UNC5C: variants seen among roughly 807,000 people sequenced by gnomAD.
The protein encoded by UNC5C is unc-5 netrin receptor C, also known as netrin receptor UNC5C.
A neutral mutation model predicts 99.8 loss-of-function variants in UNC5C; 47 were observed. That is an observed-to-expected ratio of 0.47 (90% CI 0.37 to 0.60). The LOEUF (loss-of-function observed/expected upper bound fraction) is 0.60, where lower values mean the gene tolerates loss of function less well. UNC5C is among the 20% of genes least tolerant of loss of function. The pLI is 0.00. For missense variants in UNC5C, 1,062 were observed against 1,165.9 expected, an observed-to-expected ratio of 0.91 and a Z score of 1.30; for synonymous variants, 487 against 452.2, an observed-to-expected ratio of 1.08 and a Z score of -0.98.
chr4:95,433,945 C>T (rs1421904661), intron 1 of UNC5C, among the ~76,000 whole-genome samples: 2 of 152,060 alleles, frequency 1.3e-5, no homozygotes, highest in African/African-American at 4.8e-5. Flanking sequence ...CCTTTTGTCC[C>T]TCCTCATCTT....
In UNC5C at chr4:95,412,500, G is replaced by A. The variant is rs573334130; in HGVS notation, c.125-76869C>T. On this transcript the variant is annotated intron_variant, in intron 1 of 15. Coordinates refer to ENST00000453304, the MANE Select transcript of UNC5C (RefSeq NM_003728.4). ...CTTGAGGTTGTTTTTCAAGTATTGA[G>A]AGCTGTGCCTGACACAGAATCATGG... 2.8e-4 allele frequency among the ~76,000 whole-genome samples: 43 copies of A among 152,198 alleles called. 1 individual carries two copies. The South Asian group carries it at 8.7e-3, about 31-fold the overall frequency.
chr4:95,324,151 C>T (rs928001701), intron 2 of UNC5C, among the ~76,000 whole-genome samples: 2 of 152,144 alleles, frequency 1.3e-5, no homozygotes, highest in East Asian at 1.9e-4. Flanking sequence ...GTACTGGAAC[C>T]GGGCCACATG....
chr4:95,354,479 A>ATATATATATATATATTT, intron 1 of UNC5C, among the ~76,000 whole-genome samples: 11 of 110,336 alleles, frequency 1.0e-4, no homozygotes, highest in African/African-American at 2.8e-4. Context: ...ATATATATAT[A>ATATATATATATATATTT]TTTTTTTTTT....
chr4:95,231,574 T>C (rs1263828183), intron 7 of UNC5C, among the ~76,000 whole-genome samples: 1 of 152,100 alleles, frequency 6.6e-6, no homozygotes, highest in Non-Finnish European at 1.5e-5. Context: ...CTTGGTCTTC[T>C]TTTTTGCCAG....
intron 3 of UNC5C, among the ~76,000 whole-genome samples, chr4:95,298,301 A>AC (rs1361563061): frequency 2.0e-5 from 3 of 151,934 alleles, no homozygotes; most frequent in Non-Finnish European, 1.5e-5. Flanking sequence ...ACAGAATGAG[A>AC]CCCCCATCTC....
At chr4:95,188,825 C>A (rs1357120275) in intron 12 of UNC5C, among the ~76,000 whole-genome samples, 1 of 152,130 alleles carries the variant, frequency 6.6e-6, no homozygotes, top group Non-Finnish European at 1.5e-5. Context: ...AGGTCTGGAG[C>A]ACACAGACAA....
rs141122398 is a variant in UNC5C, at chr4:95,537,099, C to T, written c.124+11635G>A. On this transcript the variant is annotated intron_variant, in intron 1 of 15. Coordinates refer to ENST00000453304, the MANE Select transcript of UNC5C (RefSeq NM_003728.4). ...CTTTCTTTGCTTTCTCTTTTTCCAA[C>T]AAATGATGGGTTATGTGAGAGTTTT... Among the ~76,000 whole-genome samples the T allele has an allele frequency of 3.1e-3, 468 of 152,046 alleles. 1 individual carries two copies. The highest frequency in any genetic ancestry group is 4.7e-3 in the Non-Finnish European group (321 of 67,980).
At chr4:95,261,224 G>T (rs1222754548) in intron 4 of UNC5C, among the ~76,000 whole-genome samples, 1 of 152,136 alleles carries the variant, frequency 6.6e-6, no homozygotes, top group Non-Finnish European at 1.5e-5. Flanking sequence ...CCTCAGGCTG[G>T]TGTCCCCAGG....
At chr4:95,496,031 T>C (rs908763639) in intron 1 of UNC5C, among the ~76,000 whole-genome samples, 15 of 151,738 alleles carry the variant, frequency 9.9e-5, no homozygotes, top group African/African-American at 3.6e-4. Context: ...ACATGGCACA[T>C]AGAAACATAT....
chr4:95,178,304 C>T (rs1403823251), intron 14 of UNC5C, among the ~76,000 whole-genome samples: 6 of 152,196 alleles, frequency 3.9e-5, no homozygotes, highest in African/African-American at 1.4e-4. Flanking sequence ...AAGCCTGGTC[C>T]AAAAGTCCTG....
At chr4:95,410,426 T>G (rs1745947951) in intron 1 of UNC5C, among the ~76,000 whole-genome samples, 1 of 152,176 alleles carries the variant, frequency 6.6e-6, no homozygotes, top group Non-Finnish European at 1.5e-5. Context: ...AGACTCCACC[T>G]CTTCTTTAGA....
chr4:95,445,967 A>ACAAAAC (rs77732035), intron 1 of UNC5C, among the ~76,000 whole-genome samples: 6 of 139,232 alleles, frequency 4.3e-5, no homozygotes, highest in East Asian at 2.0e-4. Flanking sequence ...AGCCTGCAAA[A>ACAAAAC]AAAACAAAAC....
At chr4:95,177,165 C>T (rs1560714785) in intron 14 of UNC5C, among the ~76,000 whole-genome samples, 1 of 152,192 alleles carries the variant, frequency 6.6e-6, no homozygotes, top group African/African-American at 2.4e-5. Flanking sequence ...TGAGATGAAC[C>T]CGGTACCTCA....
intron 1 of UNC5C, among the ~76,000 whole-genome samples, chr4:95,477,796 T>C (rs750135419): frequency 8.6e-5 from 13 of 151,982 alleles, no homozygotes; most frequent in Admixed American, 2.0e-4. Flanking sequence ...TTGTCATACT[T>C]CAGAGCACAA....
chr4:95,323,234 T>C (rs1742758569), intron 2 of UNC5C, among the ~76,000 whole-genome samples: 1 of 152,130 alleles, frequency 6.6e-6, no homozygotes, highest in South Asian at 2.1e-4. Flanking sequence ...CCCTATTAAG[T>C]ACCCAACACC....
chr4:95,312,650 A>G (rs1446593055), intron 2 of UNC5C, among the ~76,000 whole-genome samples: 1 of 152,174 alleles, frequency 6.6e-6, no homozygotes, highest in East Asian at 1.9e-4. Context: ...GTCTGAATCC[A>G]ATGTTCCTAT....
chr4:95,202,760 A>G lies in UNC5C; in HGVS notation c.2107T>C (p.Cys703Arg). Residue 703 changes from cysteine to arginine, a missense_variant, in exon 12 of 16, where the codon TGT becomes CGT. Physicochemically the swap from Cys to Arg is radical, Grantham distance 180. Coordinates refer to ENST00000453304, the MANE Select transcript of UNC5C (RefSeq NM_003728.4). ...AGGGCATCCTGGGTGTCATCCAGAC[A>G]GTAGACTCGGATGCTGTACTCCAGC... The part of the protein sequence containing the change: ...SSLEYSIRVY[C>R]LDDTQDALKE... 3 of 1,614,242 alleles carry G rather than the reference A, an allele frequency of 1.9e-6. No individual in the cohort carries two copies. The highest frequency in any genetic ancestry group is 2.5e-6 in the Non-Finnish European group (3 of 1,180,036).
intron 12 of UNC5C, among the ~76,000 whole-genome samples, chr4:95,201,261 G>A (rs1737644478): frequency 6.6e-6 from 1 of 152,076 alleles, no homozygotes; most frequent in Non-Finnish European, 1.5e-5. Context: ...CTATGACTCA[G>A]AGGCAGGAAC....
chr4:95,330,445 T>C (rs1302477045), intron 2 of UNC5C, among the ~76,000 whole-genome samples: 2 of 152,102 alleles, frequency 1.3e-5, no homozygotes, highest in African/African-American at 4.8e-5. Flanking sequence ...ATTTCCTTTA[T>C]AAAATTCTGC....
Sources: gnomAD v4.1 joint callset for allele counts (sites outside exome capture counted in the v4.1 genomes callset) on GRCh38, gnomAD v4.1.1 for gene constraint, MANE v1.5 for transcripts, NCBI Gene and HGNC (gene_info 2026-07-23, HGNC 2026-07-21) for gene names.